Variants in COL14A1 observed in about 807,000 individuals in gnomAD.
The protein encoded by COL14A1 is collagen alpha-1(XIV) chain.
In COL14A1, 136 loss-of-function variants were observed where a neutral mutation model predicts 230.3. The ratio of observed to expected loss-of-function variants is 0.59; its 90% CI spans 0.51 to 0.68. The LOEUF (loss-of-function observed/expected upper bound fraction) is 0.68, where lower values mean the gene tolerates loss of function less well. Ranked by LOEUF, COL14A1 falls within the 30% of genes least tolerant of loss-of-function variation. The pLI, the probability that COL14A1 is intolerant of heterozygous loss-of-function variation, is 0.00. For synonymous variants in COL14A1, 792 were observed against 784.1 expected, an observed-to-expected ratio of 1.01 and a Z score of -0.17; for missense variants, 1,976 against 2,215.8, an observed-to-expected ratio of 0.89 and a Z score of 2.17.
At position 120,369,343 on chromosome 8, in the gene COL14A1, G is replaced by A; in HGVS notation, c.5169G>A (p.Glu1723=). 1 of 1,589,042 alleles carries A rather than the reference G, an allele frequency of 6.3e-7. No individual in the cohort carries two copies. ...GGTACTTCTTAGGACCTTCAGGGGA[G>A]AGTCGGCCTGGCAGCCCTGGGCCCC... The part of the protein sequence containing the change: ...GPPGPAGPSG[E]SRPGSPGPPG... Residue 1723 remains glutamate, a synonymous_variant, in exon 47 of 48, where the codon GAG becomes GAA. Transcript: ENST00000297848.
At chr8:120,269,892 G>T in intron 25 of COL14A1, 143 bp from the exon 26 acceptor site, 1 of 770,856 alleles carries the variant, frequency 1.3e-6, no homozygotes, top group Admixed American at 2.8e-5. Context: ...GCAGGAGTTT[G>T]GAATATGAAC....
At chr8:120,154,364 T>G (rs1815392699) in intron 2 of COL14A1, among the ~76,000 whole-genome samples, 1 of 152,174 alleles carries the variant, frequency 6.6e-6, no homozygotes, top group African/African-American at 2.4e-5. Context: ...TGAGCCTCTA[T>G]GGGAATGATT....
intron 23 of COL14A1, among the ~76,000 whole-genome samples, chr8:120,258,424 G>A (rs985838363): frequency 2.6e-5 from 4 of 152,068 alleles, no homozygotes; most frequent in Admixed American, 2.6e-4. Context: ...TGAGTGCAAG[G>A]GCATGAAATA....
At chr8:120,353,887 C>G (rs1334034267) in intron 45 of COL14A1, among the ~76,000 whole-genome samples, 2 of 151,516 alleles carry the variant, frequency 1.3e-5, no homozygotes, top group African/African-American at 4.9e-5. Flanking sequence ...CATCCCATTA[C>G]TGGGTATATA....
intron 2 of COL14A1, among the ~76,000 whole-genome samples, chr8:120,148,298 A>AT (rs1815165151): frequency 6.6e-6 from 1 of 151,552 alleles, no homozygotes; most frequent in Non-Finnish European, 1.5e-5. Flanking sequence ...ATGCCTGGAT[A>AT]ATTTTTGTAT....
intron 40 of COL14A1, among the ~76,000 whole-genome samples, chr8:120,321,666 G>T (rs546250938): frequency 1.1e-4 from 16 of 151,374 alleles, no homozygotes; most frequent in South Asian, 4.2e-4. Context: ...AGATACTTCT[G>T]AAATTGTCTT....
At chr8:120,336,840 T>C (rs989534335) in intron 42 of COL14A1, among the ~76,000 whole-genome samples, 1 of 152,204 alleles carries the variant, frequency 6.6e-6, no homozygotes, top group African/African-American at 2.4e-5. Context: ...GGGATGCTCT[T>C]TTGCCTTACT....
intron 47 of COL14A1, chr8:120,370,245 A>G: frequency 7.5e-7 from 1 of 1,337,082 alleles, no homozygotes; most frequent in South Asian, 1.3e-5. Flanking sequence ...CTTAGTTATC[A>G]CAGGAATTGG....
At chr8:120,182,535 T>C (rs556548550) in intron 5 of COL14A1, among the ~76,000 whole-genome samples, 4 of 152,238 alleles carry the variant, frequency 2.6e-5, no homozygotes, top group Admixed American at 1.3e-4. Context: ...TAGTATTATA[T>C]ACACAGAGCT....
chr8:120,250,658 A>G lies in COL14A1; in HGVS notation c.2644A>G (p.Asn882Asp). The change falls in exon 22 of 48, where the codon AAC becomes GAC. Residue 882 changes from asparagine to aspartate, a missense_variant. Transcript: ENST00000297848. ...GGAAACGTTTGTGGGAGCTGACATT[A>G]ACACCATCCTTATCACAAACCTCCT... ...TLETFVGADINTILITNLLSG... is the reference protein window; with the variant it reads ...TLETFVGADIDTILITNLLSG... The G allele has an allele frequency of 6.2e-7, 1 of 1,614,258 alleles. No homozygotes were observed. Among genetic ancestry groups the G allele is most frequent in the Non-Finnish European group, 8.5e-7 (1 of 1,180,044 alleles).
rs537479104 is a variant in COL14A1, at chr8:120,164,873, T to C, written c.349+2304T>C. On this transcript the variant is annotated intron_variant, in intron 4 of 47. Coordinates refer to ENST00000297848, the MANE Select transcript of COL14A1 (RefSeq NM_021110.4). ...AGAAAAGATTCATCTTTCTCTAGTC[T>C]GAGGTTTTGCAATTGATTATTTCAA... 2.0e-4 allele frequency among the ~76,000 whole-genome samples: 30 copies of C among 152,324 alleles called. No individual in the cohort carries two copies. In the South Asian group the frequency reaches 5.6e-3, roughly 28 times the overall value.
intron 17 of COL14A1, 45 bp from the exon 18 acceptor site, chr8:120,228,665 G>A (rs1446375620): frequency 6.9e-7 from 1 of 1,449,646 alleles, no homozygotes; most frequent in Admixed American, 1.7e-5. Context: ...ATAGAAAAAT[G>A]GACAGTTGTT....
rs1251315057 is a variant in COL14A1, at chr8:120,281,062, A to G, written c.3824+3A>G. The G allele has an allele frequency of 2.5e-6, 4 of 1,599,102 alleles. No individual in the cohort carries two copies. The highest frequency in any genetic ancestry group is 3.4e-6 in the Non-Finnish European group (4 of 1,175,564). On this transcript the variant is annotated splice_donor_region_variant and intron_variant, in intron 31 of 47. Transcript: ENST00000297848. ...GCCCTGGTTTCCCAGCCAACCAGGTATGTTTCTGTTGAAAGATTTTAAAGT... is the reference window on the plus strand; with the variant it reads ...GCCCTGGTTTCCCAGCCAACCAGGTGTGTTTCTGTTGAAAGATTTTAAAGT...
intron 31 of COL14A1, among the ~76,000 whole-genome samples, chr8:120,281,565 T>TTA (rs1820041000): frequency 7.2e-6 from 1 of 138,134 alleles, no homozygotes. Context: ...ACCCCGTCTT[T>TTA]AAAAAAAAAA....
At chr8:120,247,283 C>T (rs1818795046) in intron 20 of COL14A1, among the ~76,000 whole-genome samples, 2 of 152,022 alleles carry the variant, frequency 1.3e-5, no homozygotes, top group Admixed American at 6.5e-5. Flanking sequence ...ATTAGCCAGA[C>T]GTGGTGGTAC....
chr8:120,278,191 T>C lies in COL14A1; in HGVS notation c.3294T>C (p.Asp1098=), dbSNP rs1819913624. 2 of 1,611,810 alleles carry C rather than the reference T, an allele frequency of 1.2e-6. No homozygotes were observed. Among genetic ancestry groups the C allele is most frequent in the South Asian group, 2.2e-5 (2 of 90,824 alleles). The part of the protein sequence containing the change: ...NAYKTKETLL[D]AIKHISYKGG... ...ACAAAACCAAAGAGACTCTTCTTGATGCAATTAAACACATTTCATACAAAG... is the reference window on the plus strand; with the variant it reads ...ACAAAACCAAAGAGACTCTTCTTGACGCAATTAAACACATTTCATACAAAG... The change falls in exon 27 of 48, where the codon GAT becomes GAC. Residue 1098 remains aspartate (D), a synonymous_variant. Transcript: ENST00000297848.
At chr8:120,182,391 C>T (rs570570560) in intron 5 of COL14A1, among the ~76,000 whole-genome samples, 8 of 152,148 alleles carry the variant, frequency 5.3e-5, no homozygotes, top group African/African-American at 1.4e-4. Context: ...TCAAATTAAG[C>T]GATGTTTTGG....
At chr8:120,231,147 T>G (rs977516788) in intron 18 of COL14A1, among the ~76,000 whole-genome samples, 4 of 152,176 alleles carry the variant, frequency 2.6e-5, no homozygotes, top group Non-Finnish European at 5.9e-5. Context: ...GACCACTCTT[T>G]CCTTTGGGTT....
chr8:120,136,215 A>T lies in COL14A1; in HGVS notation c.-38+10875A>T, dbSNP rs1396250879. On this transcript the variant is annotated intron_variant, in intron 1 of 47. Coordinates refer to ENST00000297848, the MANE Select transcript of COL14A1 (RefSeq NM_021110.4). ...GGAGAAAAGCATTCAATATTTTACCATTCAGTGTGATACTAGCTATGGAGT... is the reference window on the plus strand; with the variant it reads ...GGAGAAAAGCATTCAATATTTTACCTTTCAGTGTGATACTAGCTATGGAGT... 2.0e-5 allele frequency among the ~76,000 whole-genome samples: 3 copies of T among 152,114 alleles called. No homozygotes were observed. The East Asian group carries it at 5.8e-4, about 29-fold the overall frequency.
Sources: gnomAD v4.1 joint callset for allele counts (sites outside exome capture counted in the v4.1 genomes callset) on GRCh38, gnomAD v4.1.1 for gene constraint, MANE v1.5 for transcripts, NCBI Gene and HGNC (gene_info 2026-07-23, HGNC 2026-07-21) for gene names.